Variants in DUOXA1 observed in about 807,000 individuals in gnomAD.
The protein encoded by DUOXA1 is dual oxidase activator 1.
Under a neutral mutation model 26.6 loss-of-function variants are expected in DUOXA1, and 19 were observed. That is an observed-to-expected ratio of 0.71 (90% confidence interval 0.50 to 1.05). The LOEUF (loss-of-function observed/expected upper bound fraction) is 1.05, where lower values mean the gene tolerates loss of function less well. DUOXA1 is among the 50% of genes least tolerant of loss of function. DUOXA1 has a pLI of 0.00. For missense variants in DUOXA1, 403 were observed against 427.5 expected, an observed-to-expected ratio of 0.94 and a Z score of 0.51; for synonymous variants, 166 against 177.0, an observed-to-expected ratio of 0.94 and a Z score of 0.49.
In DUOXA1 at chr15:45,119,015, C is replaced by T; in HGVS notation, c.*91G>A. ...ATTGGTGCTGGGTGTCTGGTAACAG[C>T]CACCCTGAGGGCAGTTCTGCTGGTT... On this transcript the variant is annotated 3_prime_UTR_variant, in exon 9 of 9. Coordinates refer to ENST00000560572, the MANE Select transcript of DUOXA1 (RefSeq NM_001276266.2). The T allele has an allele frequency of 6.7e-7, 1 of 1,494,126 alleles. No individual in the cohort carries two copies. The highest frequency in any genetic ancestry group is 8.9e-7 in the Non-Finnish European group (1 of 1,122,042). The allele number at this position is 1,494,126 out of a possible 1,614,324, so 92.6% of individuals were successfully genotyped here.
intron 3 of DUOXA1, among the ~76,000 whole-genome samples, chr15:45,128,533 C>T (rs940407134): frequency 6.6e-6 from 1 of 152,208 alleles, no homozygotes; most frequent in Non-Finnish European, 1.5e-5. Flanking sequence ...CTGTCAGGAA[C>T]TCCTGTGCTA....
chr15:45,117,616 C>T lies in DUOXA1; in HGVS notation c.*1490G>A. ...CTGTAATCCCAGCACTTTGGGAGGT[C>T]GAGGCAGGAAGGTCGTTTGAGGCCA... On this transcript the variant is annotated 3_prime_UTR_variant, in exon 9 of 9. Coordinates refer to ENST00000560572, the MANE Select transcript of DUOXA1 (RefSeq NM_001276266.2). The T allele has an allele frequency of 1.9e-6, 3 of 1,613,468 alleles. No individual in the cohort carries two copies. Among genetic ancestry groups the T allele is most frequent in the Non-Finnish European group, 2.5e-6 (3 of 1,179,710 alleles).
At position 45,118,916 on chromosome 15, in the gene DUOXA1, C is replaced by A; in HGVS notation, c.*190G>T. 1 of 1,347,278 alleles carries A rather than the reference C, an allele frequency of 7.4e-7. No individual in the cohort carries two copies. The highest frequency in any genetic ancestry group is 9.5e-7 in the Non-Finnish European group (1 of 1,051,716). The allele number at this position is 1,347,278 out of a possible 1,614,324, so 83.5% of individuals were successfully genotyped here. On this transcript the variant is annotated 3_prime_UTR_variant, in exon 9 of 9. Transcript: ENST00000560572. ...TGGACAGGCCCAGCATCTCTTCAGT[C>A]CCTTAGGGCTTTTTGTTTTGTTTTG...
chr15:45,120,431 G>A, intron 7 of DUOXA1, 111 bp from the exon 8 acceptor site: 2 of 1,476,318 alleles, frequency 1.4e-6, no homozygotes, highest in Non-Finnish European at 1.9e-6. Flanking sequence ...AAGATATGAG[G>A]TAGGGATTCC....
rs550198186 is a variant in DUOXA1, at chr15:45,120,392, C to T, written c.555-72G>A. ...GCTGGTGAATTTGGATGGGCCCAGG[C>T]GGAGGTTCAGGGACCCAAGAGTGAC... is the stretch of plus-strand genomic sequence containing the variant. On this transcript the variant is annotated intron_variant, in intron 7 of 8. Transcript: ENST00000560572. 145 of 1,586,830 alleles carry T rather than the reference C, an allele frequency of 9.1e-5. 1 individual carries two copies. The highest frequency in any genetic ancestry group is 7.2e-4 in the Admixed American group (43 of 59,848).
chr15:45,122,908 G>C lies in DUOXA1; in HGVS notation c.107C>G (p.Ala36Gly). 1.2e-6 allele frequency: 2 copies of C among 1,612,766 alleles called. No homozygotes were observed. The highest frequency in any genetic ancestry group is 1.1e-5 in the South Asian group (1 of 90,926). Residue 36 changes from alanine (A) to glycine (G), a missense_variant, in exon 4 of 9, where the codon GCC (alanine) becomes GGC (glycine). Coordinates refer to ENST00000560572, the MANE Select transcript of DUOXA1 (RefSeq NM_001276266.2). The part of the protein sequence containing the change: ...SIIMIFLTAL[A>G]TFIVILPGIR... Reference sequence around the variant, plus strand: ...GCCAGGCAGGATGACGATGAACGTGGCCAGTGCAGTCAGAAAGATCATGAT... The same window carrying C: ...GCCAGGCAGGATGACGATGAACGTGCCCAGTGCAGTCAGAAAGATCATGAT...
In DUOXA1 at chr15:45,118,197, T is replaced by C. The variant is rs1894815729; in HGVS notation, c.*909A>G. ...GGGCTGGAGACAGCCTAGTACACTC[T>C]CCGCAGTGCTGTGAAACCTGATTCT... On this transcript the variant is annotated 3_prime_UTR_variant, in exon 9 of 9. Transcript: ENST00000560572. The C allele has an allele frequency of 2.8e-6, 4 of 1,424,140 alleles. No homozygotes were observed. In the African/African-American group the frequency reaches 5.8e-5, roughly 20 times the overall value. The allele number at this position is 1,424,140 out of a possible 1,614,324, so 88.2% of individuals were successfully genotyped here.
At chr15:45,122,084 AG>A in intron 5 of DUOXA1, 100 bp downstream of exon 5, 1 of 1,331,728 alleles carries the variant, frequency 7.5e-7, no homozygotes, top group Non-Finnish European at 1.1e-6. Flanking sequence ...CCCTGAAGCA[AG>A]GGCCCACCGC....
rs376566723 is a variant in DUOXA1 at position 45,122,983 on chromosome 15, T to A, written c.32A>T (p.Tyr11Phe). 6.2e-7 allele frequency: 1 copy of A among 1,612,826 alleles called. No individual in the cohort carries two copies. The highest frequency in any genetic ancestry group is 8.5e-7 in the Non-Finnish European group (1 of 1,179,452). Residue 11 changes from tyrosine to phenylalanine, a missense_variant, in exon 4 of 9, where the codon TAT (tyrosine) becomes TTT (phenylalanine). Tyr to Phe is a conservative substitution (Grantham distance 22). Transcript: ENST00000560572. MATLGHTFPF[Y>F]AGPKPTFPMD... ...CGGGAAGGTTGGCTTGGGGCCAGCA[T>A]AGAAGGGGAATGTGTGTCCCAAAGT...
Position 45,117,906 on chromosome 15 carries a change from G to T in DUOXA1, c.*1200C>A, listed in dbSNP as rs1894778843. 6 of 1,613,346 alleles carry T rather than the reference G, an allele frequency of 3.7e-6. No homozygotes were observed. The South Asian group carries it at 5.5e-5, about 15-fold the overall frequency. ...ACTTAAAATGTATCACCACTAACCT[G>T]TGAGGGGGACCCAATCTGGACTCCT... On this transcript the variant is annotated 3_prime_UTR_variant, in exon 9 of 9. Transcript: ENST00000560572.
Position 45,118,302 on chromosome 15 carries a change from A to C in DUOXA1, c.*804T>G. ...ACCAGAGCTAGCATCTTTCTGAACC[A>C]CCCCAGGGGGACGTTAGGTGGCAGT... On this transcript the variant is annotated 3_prime_UTR_variant, in exon 9 of 9. Transcript: ENST00000560572. The C allele has an allele frequency of 7.9e-7, 1 of 1,266,268 alleles. No homozygotes were observed. Among genetic ancestry groups the C allele is most frequent in the Non-Finnish European group, 9.9e-7 (1 of 1,006,050 alleles). 78.4% of individuals were successfully genotyped at this position (1,266,268 alleles called of 1,614,324 possible).
intron 3 of DUOXA1, among the ~76,000 whole-genome samples, chr15:45,127,789 C>T (rs1318794269): frequency 1.3e-5 from 2 of 152,174 alleles, no homozygotes; most frequent in Non-Finnish European, 2.9e-5. Context: ...TCAATATTAA[C>T]TTGACCCACT....
rs186137544 is a variant in DUOXA1, at chr15:45,118,520, G to A, written c.*586C>T. 22 of 994,658 alleles carry A rather than the reference G, an allele frequency of 2.2e-5. No homozygotes were observed. The East Asian group carries it at 2.4e-3, about 110-fold the overall frequency. The allele number at this position is 994,658 out of a possible 1,614,324, so 61.6% of individuals were successfully genotyped here. A position where few individuals can be genotyped will look rare whatever the true frequency, so the allele number is the denominator to read the frequency against. The stretch of plus-strand genomic sequence containing the variant: ...AATCCCAAGATTCTTGGCAAGTCTT[G>A]CAATCTTATGTAGCAAATTTGGGAA... On this transcript the variant is annotated 3_prime_UTR_variant, in exon 9 of 9. Transcript: ENST00000560572.
At chr15:45,120,452 C>T in intron 7 of DUOXA1, 132 bp from the exon 8 acceptor site, 1 of 1,445,534 alleles carries the variant, frequency 6.9e-7, no homozygotes, top group Non-Finnish European at 9.7e-7. Flanking sequence ...TTCCCATGGA[C>T]TTCCCAAGCC....
At position 45,118,128 on chromosome 15, in the gene DUOXA1, A is replaced by T. The variant is rs1174941603; in HGVS notation, c.*978T>A. ...AAAACTGTTTTTCCCATTAATTTTCATGGCTTCTCCGCGCCGGGGTCGCAC... is the reference window on the plus strand; with the variant it reads ...AAAACTGTTTTTCCCATTAATTTTCTTGGCTTCTCCGCGCCGGGGTCGCAC... On this transcript the variant is annotated 3_prime_UTR_variant, in exon 9 of 9. Transcript: ENST00000560572. 1 of 1,443,998 alleles carries T rather than the reference A, an allele frequency of 6.9e-7. No individual in the cohort carries two copies. The highest frequency in any genetic ancestry group is 9.1e-7 in the Non-Finnish European group (1 of 1,103,494). The allele number at this position is 1,443,998 out of a possible 1,614,324, so 89.4% of individuals were successfully genotyped here.
At chr15:45,124,684 GT>G (rs1321707501) in intron 3 of DUOXA1, among the ~76,000 whole-genome samples, 4 of 151,818 alleles carry the variant, frequency 2.6e-5, no homozygotes, top group African/African-American at 9.7e-5. Context: ...TAATTTTTAA[GT>G]TTTTTTTAGC....
intron 3 of DUOXA1, among the ~76,000 whole-genome samples, chr15:45,125,657 C>T (rs914039913): frequency 1.3e-5 from 2 of 152,182 alleles, no homozygotes; most frequent in African/African-American, 4.8e-5. Context: ...GACCATGCCC[C>T]CTTTCCTCAA....
Position 45,118,153 on chromosome 15 carries a change from C to T in DUOXA1, c.*953G>A. On this transcript the variant is annotated 3_prime_UTR_variant, in exon 9 of 9. Transcript: ENST00000560572. ...ATGGCTTCTCCGCGCCGGGGTCGCA[C>T]GTCCTCATGAGCTTCGCTGGGCTGG... is the stretch of plus-strand genomic sequence containing the variant. The T allele has an allele frequency of 7.0e-7, 1 of 1,438,556 alleles. No individual in the cohort carries two copies. The highest frequency in any genetic ancestry group is 1.5e-5 in the South Asian group (1 of 67,248). The allele number at this position is 1,438,556 out of a possible 1,614,324, so 89.1% of individuals were successfully genotyped here.
chr15:45,118,350 C>G lies in DUOXA1; in HGVS notation c.*756G>C. 1 of 1,171,240 alleles carries G rather than the reference C, an allele frequency of 8.5e-7. No individual in the cohort carries two copies. The highest frequency in any genetic ancestry group is 1.1e-6 in the Non-Finnish European group (1 of 947,114). The allele number at this position is 1,171,240 out of a possible 1,614,324, so 72.6% of individuals were successfully genotyped here. A position where few individuals can be genotyped will look rare whatever the true frequency, so the allele number is the denominator to read the frequency against. ...AGTGATGAGGCAGGTCACCCACTCC[C>G]CCGTCCTGGATGCCACTCAGCTAGC... On this transcript the variant is annotated 3_prime_UTR_variant, in exon 9 of 9. Transcript: ENST00000560572.
Sources: gnomAD v4.1 joint callset for allele counts (sites outside exome capture counted in the v4.1 genomes callset) on GRCh38, gnomAD v4.1.1 for gene constraint, MANE v1.5 for transcripts, NCBI Gene and HGNC (gene_info 2026-07-23, HGNC 2026-07-21) for gene names.